The following ACOT7 variants were observed in gnomAD, a reference collection of about 807,000 sequenced individuals.
ACOT7 encodes the protein cytosolic acyl coenzyme A thioester hydrolase.
ACOT7 carries 12 observed loss-of-function variants against 40.2 expected under a neutral mutation model. The observed-to-expected ratio is 0.30, with a 90% CI of 0.19 to 0.48. ACOT7 has a LOEUF of 0.48. Among genes scored for constraint, ACOT7 ranks in the 20% least tolerant of loss-of-function variants. The pLI, the probability that ACOT7 is intolerant of heterozygous loss-of-function variation, is 0.99. For synonymous variants in ACOT7, 228 were observed against 219.5 expected (o/e 1.04, Z -0.34); for missense variants, 395 against 530.8 (o/e 0.74, Z 2.51).
chr1:6,348,597 G>T (rs1641500023), intron 2 of ACOT7, among the ~76,000 whole-genome samples: 1 of 152,202 alleles, frequency 6.6e-6, no homozygotes, highest in Non-Finnish European at 1.5e-5. Flanking sequence ...CTCCTACCAA[G>T]CGAGGACACA....
chr1:6,328,692 TA>T (rs1285126358), intron 4 of ACOT7, among the ~76,000 whole-genome samples: 1 of 151,900 alleles, frequency 6.6e-6, no homozygotes, highest in East Asian at 1.9e-4. Context: ...AAAAAATAAA[TA>T]AATAAATAAA....
intron 5 of ACOT7, among the ~76,000 whole-genome samples, chr1:6,321,779 G>A (rs771264481): frequency 2.6e-4 from 39 of 152,230 alleles, no homozygotes; most frequent in Admixed American, 2.0e-3. Flanking sequence ...TGGGATGACA[G>A]GCGTAAGCCA....
At chr1:6,374,199 G>T (rs983828106) in intron 1 of ACOT7, among the ~76,000 whole-genome samples, 2 of 152,168 alleles carry the variant, frequency 1.3e-5, no homozygotes, top group Non-Finnish European at 2.9e-5. Context: ...TGGCAGCTGC[G>T]CCCACGTCCC....
In ACOT7 at chr1:6,306,246, A is replaced by T. The variant is rs1640154541; in HGVS notation, c.713-11266T>A. On this transcript the variant is annotated intron_variant, in intron 6 of 8. Transcript: ENST00000361521. This position sits in a 1 kb window ranked among gnomAD's most constrained non-coding sequence, Gnocchi z 4.3. ...AGGGGGAGAGGGAGAGGACGTTCTT[A>T]CGGTTCATGGCAAGACCTCAACCAA... The T allele has an allele frequency of 1.0e-6, 1 of 981,042 alleles. No homozygotes were observed. Among genetic ancestry groups the T allele is most frequent in the Non-Finnish European group, 1.2e-6 (1 of 827,954 alleles). The allele number at this position is 981,042 out of a possible 1,614,324, so 60.8% of individuals were successfully genotyped here.
chr1:6,269,622 C>T (rs985777294), intron 8 of ACOT7, among the ~76,000 whole-genome samples: 26 of 152,268 alleles, frequency 1.7e-4, no homozygotes, highest in African/African-American at 5.5e-4. Context: ...TGCCCAGCAA[C>T]GGGCCCCAAG....
In ACOT7 at chr1:6,275,716, CAAAAA is replaced by C. The variant is rs34990815; in HGVS notation, c.1014+5381_1014+5385del. On this transcript the variant is annotated intron_variant, in intron 8 of 8. Transcript: ENST00000361521. The surrounding 1 kb of genome is among the most constrained non-coding windows in gnomAD (Gnocchi z 5.6). ...TGGGCGACAGAGTGAGGCTCCGTCT[CAAAAA>C]AAAAAAAAAAAAAAAAAAAAGATGG... is the stretch of plus-strand genomic sequence containing the variant. 1.8e-5 allele frequency among the ~76,000 whole-genome samples: 1 copy of C among 55,554 alleles called. No individual in the cohort carries two copies. Among genetic ancestry groups the C allele is most frequent in the Non-Finnish European group, 3.5e-5 (1 of 28,378 alleles). The allele number at this position is 55,554 out of a possible 152,430, so 36.4% of individuals were successfully genotyped here. A position where few individuals can be genotyped will look rare whatever the true frequency, so the allele number is the denominator to read the frequency against.
At chr1:6,298,415 G>A (rs901294252) in intron 6 of ACOT7, among the ~76,000 whole-genome samples, 4 of 152,190 alleles carry the variant, frequency 2.6e-5, no homozygotes, top group Admixed American at 2.6e-4. Context: ...GATTACAGGT[G>A]TGAGCTACTG....
intron 4 of ACOT7, 91 bp downstream of exon 4, chr1:6,333,386 G>C (rs1165655745): frequency 4.2e-6 from 6 of 1,440,806 alleles, no homozygotes; most frequent in African/African-American, 1.4e-5. Context: ...GCTCCCTTGA[G>C]ACCCTTAGCT....
At chr1:6,375,937 C>CAA (rs112245593) in intron 1 of ACOT7, among the ~76,000 whole-genome samples, 2 of 127,294 alleles carry the variant, frequency 1.6e-5, no homozygotes, top group Non-Finnish European at 3.5e-5. Context: ...GACTCCACCT[C>CAA]AAAAAAAAAA....
Position 6,301,926 on chromosome 1 carries a change from G to A in ACOT7, c.713-6946C>T, listed in dbSNP as rs76206703. ...CACACGCACCGGCCTGGGAAACCAC[G>A]CAGAGTTTAGATCAGCGGCAGACCT... On this transcript the variant is annotated intron_variant, in intron 6 of 8. Transcript: ENST00000361521. The surrounding 1 kb of genome is among the most constrained non-coding windows in gnomAD (Gnocchi z 4.1). Among the ~76,000 whole-genome samples the A allele has an allele frequency of 2.7e-3, 418 of 152,318 alleles. 3 individuals are homozygous for A. The highest frequency in any genetic ancestry group is 8.1e-3 in the African/African-American group (337 of 41,558).
At position 6,338,390 on chromosome 1, in the gene ACOT7, A is replaced by T. The variant is rs1641168783; in HGVS notation, c.418+1043T>A. 6.6e-6 allele frequency among the ~76,000 whole-genome samples: 1 copy of T among 152,130 alleles called. No individual in the cohort carries two copies. The highest frequency in any genetic ancestry group is 6.5e-5 in the Admixed American group (1 of 15,274). ...GCTGCTCCTGTTGTGGGAGGTGCCC[A>T]TACACCCCTTCCTGGGCCACATCCT... On this transcript the variant is annotated intron_variant, in intron 3 of 8. Coordinates refer to ENST00000361521, the MANE Select transcript of ACOT7 (RefSeq NM_007274.4). This position sits in a 1 kb window ranked among gnomAD's most constrained non-coding sequence, Gnocchi z 4.4.
At position 6,345,857 on chromosome 1, in the gene ACOT7, C is replaced by T. The variant is rs557760072; in HGVS notation, c.261+3892G>A. Among the ~76,000 whole-genome samples the T allele has an allele frequency of 7.9e-5, 12 of 151,914 alleles. No individual in the cohort carries two copies. The South Asian group carries it at 1.5e-3, about 18-fold the overall frequency. On this transcript the variant is annotated intron_variant, in intron 2 of 8. Coordinates refer to ENST00000361521, the MANE Select transcript of ACOT7 (RefSeq NM_007274.4). ...GAGGAAGGGTGAGCCCCAGCGTGGC[C>T]GCGGGCTCATCGTAAGCGCTTACTC...
At chr1:6,287,495 C>T (rs1639537050) in intron 7 of ACOT7, among the ~76,000 whole-genome samples, 1 of 152,280 alleles carries the variant, frequency 6.6e-6, no homozygotes, top group East Asian at 1.9e-4. Flanking sequence ...GCAGGTGGCA[C>T]AATGCCTGGC....
chr1:6,312,776 A>G (rs1557645459), intron 6 of ACOT7, among the ~76,000 whole-genome samples: 1 of 152,152 alleles, frequency 6.6e-6, no homozygotes, highest in Non-Finnish European at 1.5e-5. Context: ...CCGATGTACT[A>G]ATTTCATATT....
chr1:6,273,457 A>G (rs1177535186), intron 8 of ACOT7, among the ~76,000 whole-genome samples: 1 of 152,230 alleles, frequency 6.6e-6, no homozygotes, highest in African/African-American at 2.4e-5. Context: ...AATGCAGGCA[A>G]AAGGAACAGA....
chr1:6,341,513 C>T (rs1641276549), intron 2 of ACOT7, among the ~76,000 whole-genome samples: 2 of 152,114 alleles, frequency 1.3e-5, no homozygotes, highest in African/African-American at 2.4e-5. Flanking sequence ...GAGGCCAAGG[C>T]GGGTGGATCA....
intron 1 of ACOT7, among the ~76,000 whole-genome samples, chr1:6,371,135 T>A (rs1642126018): frequency 6.6e-6 from 1 of 152,176 alleles, no homozygotes. Flanking sequence ...GAAAGAAATC[T>A]TTTTTCTGAG....
chr1:6,276,589 G>T (rs1639197338), intron 8 of ACOT7, among the ~76,000 whole-genome samples: 1 of 151,956 alleles, frequency 6.6e-6, no homozygotes, highest in African/African-American at 2.4e-5. Flanking sequence ...GCTGACGTGG[G>T]GATGAGGGAG....
intron 1 of ACOT7, chr1:6,385,811 C>CAAACAAACAAACAAACAA (rs1642429543): frequency 7.1e-7 from 1 of 1,412,862 alleles, no homozygotes; most frequent in Non-Finnish European, 9.2e-7. Flanking sequence ...CCTCCTAGGA[C>CAAACAAACAAACAAACAA]CGCCCCTCCC....
Sources: allele counts gnomAD v4.1 joint callset (sites outside exome capture counted in the v4.1 genomes callset), GRCh38; gene constraint gnomAD v4.1.1; non-coding constraint Gnocchi (gnomAD v3.1); transcripts MANE v1.5; gene names NCBI Gene and HGNC (gene_info 2026-07-23, HGNC 2026-07-21).